Variants in OSBPL10 observed in about 807,000 individuals in gnomAD.
OSBPL10 encodes oxysterol binding protein like 10.
OSBPL10 carries 49 observed loss-of-function variants against 81.7 expected under a neutral mutation model. That is an observed-to-expected ratio of 0.60 (90% confidence interval 0.48 to 0.76). The LOEUF is 0.76. OSBPL10 is among the 30% of genes least tolerant of loss of function. The pLI is 0.00. For synonymous variants in OSBPL10, 419 were observed against 383.6 expected (o/e 1.09, Z -1.08); for missense variants, 923 against 987.8 (o/e 0.93, Z 0.88).
chr3:31,982,803 G>A (rs1698877107), upstream of OSBPL10, among the ~76,000 whole-genome samples: 1 of 152,198 alleles, frequency 6.6e-6, no homozygotes, highest in Non-Finnish European at 1.5e-5. Context: ...AATAAACTAT[G>A]CAAGAATGTT....
intron 1 of OSBPL10, among the ~76,000 whole-genome samples, chr3:31,974,984 AG>A: frequency 1.3e-5 from 2 of 152,272 alleles, no homozygotes; most frequent in Middle Eastern, 3.4e-3. Context: ...TTGGGAAAAC[AG>A]ACAAGAGAAG....
chr3:31,799,978 G>C (rs1054769276), intron 4 of OSBPL10, among the ~76,000 whole-genome samples: 1 of 152,206 alleles, frequency 6.6e-6, no homozygotes, highest in African/African-American at 2.4e-5. Context: ...AGAGTGCTGG[G>C]ATTACAGGCA....
At chr3:32,053,521 T>C (rs1240914892) in intron 1 of OSBPL10, among the ~76,000 whole-genome samples, 1 of 152,212 alleles carries the variant, frequency 6.6e-6, no homozygotes. Context: ...TGTAAAGGGT[T>C]ATCAAAGGTT....
intron 8 of OSBPL10, among the ~76,000 whole-genome samples, chr3:31,683,321 T>C (rs1395608690): frequency 6.6e-6 from 1 of 152,170 alleles, no homozygotes; most frequent in African/African-American, 2.4e-5. Context: ...ACTCTTATAT[T>C]CATGCAAAGC....
Position 32,058,917 on chromosome 3 carries a change from G to C in OSBPL10, n.186-12314C>G, listed in dbSNP as rs572383139. On this transcript the variant is annotated intron_variant and non_coding_transcript_variant, in intron 1 of 3. Transcript: ENST00000479173. Reference sequence around the variant, plus strand: ...TTGCCCATGCTGGTCTTGAAATCCTGGGCTCAAGGGATCCTCCTGCCTCAG... The same window carrying C: ...TTGCCCATGCTGGTCTTGAAATCCTCGGCTCAAGGGATCCTCCTGCCTCAG... 2.6e-5 allele frequency among the ~76,000 whole-genome samples: 4 copies of C among 152,284 alleles called. No homozygotes were observed. In the East Asian group the frequency reaches 7.7e-4, roughly 29 times the overall value.
chr3:31,902,700 C>G (rs1452171469), intron 1 of OSBPL10, among the ~76,000 whole-genome samples: 1 of 152,088 alleles, frequency 6.6e-6, no homozygotes, highest in African/African-American at 2.4e-5. Flanking sequence ...GTAGCTGGGA[C>G]TACAGGCACC....
intron 3 of OSBPL10, among the ~76,000 whole-genome samples, chr3:31,857,879 G>C (rs936219595): frequency 5.7e-5 from 8 of 140,930 alleles, no homozygotes; most frequent in African/African-American, 7.9e-5. Context: ...AGAGGGAAAG[G>C]GGGGGAGAGA....
At chr3:31,868,905 C>A (rs1701248970) in intron 3 of OSBPL10, among the ~76,000 whole-genome samples, 1 of 152,170 alleles carries the variant, frequency 6.6e-6, no homozygotes, top group Non-Finnish European at 1.5e-5. Flanking sequence ...TTTGAATGAT[C>A]CTACATTCTT....
At chr3:31,850,199 T>TCA (rs1049920038) in intron 3 of OSBPL10, among the ~76,000 whole-genome samples, 2 of 151,822 alleles carry the variant, frequency 1.3e-5, no homozygotes, top group Non-Finnish European at 2.9e-5. Context: ...CTGGATATGG[T>TCA]CACACACACC....
intron 5 of OSBPL10, among the ~76,000 whole-genome samples, chr3:31,746,829 G>T (rs567291623): frequency 8.6e-4 from 131 of 151,498 alleles, no homozygotes; most frequent in Admixed American, 1.8e-3. Context: ...GTTGTGGGGT[G>T]GGGGGGAGGG....
intron 4 of OSBPL10, among the ~76,000 whole-genome samples, chr3:31,758,262 T>C: frequency 6.6e-6 from 1 of 152,192 alleles, no homozygotes; most frequent in East Asian, 1.9e-4. Flanking sequence ...TAAATTTCAG[T>C]TTTTCTGTTG....
intron 4 of OSBPL10, among the ~76,000 whole-genome samples, chr3:31,778,980 G>A (rs1045588464): frequency 1.3e-5 from 2 of 152,094 alleles, no homozygotes; most frequent in Admixed American, 1.3e-4. Context: ...CTTCATAAAT[G>A]AAGGAGAGAT....
intron 2 of OSBPL10, among the ~76,000 whole-genome samples, chr3:32,020,597 T>C (rs942211806): frequency 6.6e-6 from 1 of 152,166 alleles, no homozygotes; most frequent in African/African-American, 2.4e-5. Flanking sequence ...TATGAGTAAT[T>C]GCGTACAAGT....
At chr3:31,915,124 T>C (rs576801792) in intron 1 of OSBPL10, among the ~76,000 whole-genome samples, 1 of 152,142 alleles carries the variant, frequency 6.6e-6, no homozygotes, top group African/African-American at 2.4e-5. Context: ...TCTTCTATCG[T>C]ATCCTCATCT....
intron 8 of OSBPL10, among the ~76,000 whole-genome samples, chr3:31,674,873 G>A (rs1053665778): frequency 1.3e-5 from 2 of 152,218 alleles, no homozygotes; most frequent in Non-Finnish European, 2.9e-5. Context: ...CGAGTGTACT[G>A]TGCTACCGGA....
At chr3:31,994,951 G>A (rs376909469) in intron 2 of OSBPL10, among the ~76,000 whole-genome samples, 1 of 152,234 alleles carries the variant, frequency 6.6e-6, no homozygotes, top group Middle Eastern at 3.4e-3. Flanking sequence ...ATATTGGTAG[G>A]ACCATGATGC....
At chr3:32,029,991 A>T (rs147035176) in intron 2 of OSBPL10, among the ~76,000 whole-genome samples, 63 of 152,274 alleles carry the variant, frequency 4.1e-4, no homozygotes, top group African/African-American at 1.5e-3. Context: ...ATTTCCTGAA[A>T]TTGCTTTCCA....
intron 2 of OSBPL10, among the ~76,000 whole-genome samples, chr3:32,020,381 T>C (rs1159795842): frequency 6.6e-6 from 1 of 152,224 alleles, no homozygotes; most frequent in African/African-American, 2.4e-5. Flanking sequence ...GGACATTTCA[T>C]GTCATACTAT....
At chr3:31,979,262 T>G (rs1698764410) in intron 1 of OSBPL10, among the ~76,000 whole-genome samples, 1 of 152,186 alleles carries the variant, frequency 6.6e-6, no homozygotes, top group Non-Finnish European at 1.5e-5. Flanking sequence ...TAGGACTATT[T>G]TGAGAAATAA....
Sources: allele counts gnomAD v4.1 joint callset (sites outside exome capture counted in the v4.1 genomes callset), GRCh38; gene constraint gnomAD v4.1.1; transcripts MANE v1.5; gene names NCBI Gene and HGNC (gene_info 2026-07-23, HGNC 2026-07-21).